The following LRRTM4 variants were observed in gnomAD, a reference collection of about 807,000 sequenced individuals.
LRRTM4 encodes leucine-rich repeat transmembrane neuronal protein 4.
In LRRTM4, 25 loss-of-function variants were observed where a neutral mutation model predicts 47.6. The ratio of observed to expected loss-of-function variants is 0.53; its 90% CI spans 0.38 to 0.73. LRRTM4 has a LOEUF of 0.73. Ranked by LOEUF, LRRTM4 falls within the 30% of genes least tolerant of loss-of-function variation. The pLI is 0.00. For synonymous variants in LRRTM4, 311 were observed against 269.5 expected (o/e 1.15, Z -1.51); for missense variants, 638 against 713.4 (o/e 0.89, Z 1.20).
chr2:76,911,643 G>A (rs768283002), intron 3 of LRRTM4, among the ~76,000 whole-genome samples: 1 of 151,984 alleles, frequency 6.6e-6, no homozygotes, highest in East Asian at 1.9e-4. Flanking sequence ...AAAAGAAAGA[G>A]CCAGAGAGAG....
intron 3 of LRRTM4, among the ~76,000 whole-genome samples, chr2:77,342,978 C>G (rs1671430037): frequency 6.6e-6 from 1 of 151,930 alleles, no homozygotes; most frequent in Non-Finnish European, 1.5e-5. Context: ...TAGCTTTTGT[C>G]AAAAGACTGT....
chr2:77,228,821 T>G (rs368847867), intron 3 of LRRTM4, among the ~76,000 whole-genome samples: 11 of 152,174 alleles, frequency 7.2e-5, no homozygotes, highest in African/African-American at 2.2e-4. Flanking sequence ...GTATATAATA[T>G]TCACCCCTAC....
chr2:76,796,997 C>A (rs1377148916), intron 3 of LRRTM4, among the ~76,000 whole-genome samples: 2 of 151,970 alleles, frequency 1.3e-5, no homozygotes, highest in East Asian at 1.9e-4. Flanking sequence ...GATTGGAGTA[C>A]CTGAAAGTGA....
intron 3 of LRRTM4, among the ~76,000 whole-genome samples, chr2:76,871,017 C>T (rs1210210011): frequency 6.6e-6 from 1 of 152,154 alleles, no homozygotes; most frequent in South Asian, 2.1e-4. Flanking sequence ...CTACATCTTA[C>T]AGACAACACA....
chr2:77,342,927 A>T (rs1172811729), intron 3 of LRRTM4, among the ~76,000 whole-genome samples: 2 of 151,900 alleles, frequency 1.3e-5, no homozygotes, highest in South Asian at 4.1e-4. Context: ...GGCCATAAGC[A>T]CCTCTCTCAA....
chr2:76,956,772 G>C (rs1177177525), intron 3 of LRRTM4, among the ~76,000 whole-genome samples: 1 of 150,028 alleles, frequency 6.7e-6, no homozygotes, highest in Non-Finnish European at 1.5e-5. Context: ...TTACAAATAA[G>C]GCCACAAAAG....
intron 3 of LRRTM4, among the ~76,000 whole-genome samples, chr2:77,092,778 T>C (rs894188369): frequency 2.1e-5 from 3 of 144,050 alleles, no homozygotes; most frequent in Non-Finnish European, 2.9e-5. Flanking sequence ...TACAGTCTGA[T>C]AACAGATGAG....
chr2:77,151,115 G>GTA (rs918144774), intron 3 of LRRTM4, among the ~76,000 whole-genome samples: 1 of 149,786 alleles, frequency 6.7e-6, no homozygotes, highest in South Asian at 2.1e-4. Context: ...CTACGTCCGT[G>GTA]TATGTGTGTG....
At chr2:77,143,367 A>C (rs150005840) in intron 3 of LRRTM4, among the ~76,000 whole-genome samples, 15 of 152,318 alleles carry the variant, frequency 9.8e-5, no homozygotes, top group African/African-American at 3.6e-4. Flanking sequence ...ATTTCATCTT[A>C]ATTTGATATT....
intron 3 of LRRTM4, among the ~76,000 whole-genome samples, chr2:76,849,876 A>G (rs1387376862): frequency 5.3e-5 from 8 of 152,138 alleles, no homozygotes. Flanking sequence ...TCATACAATG[A>G]ACTGATGTAT....
chr2:76,998,927 A>G (rs913397709), intron 3 of LRRTM4, among the ~76,000 whole-genome samples: 1 of 152,096 alleles, frequency 6.6e-6, no homozygotes, highest in Non-Finnish European at 1.5e-5. Flanking sequence ...ATCATAAAGA[A>G]TATTACTCAA....
At chr2:77,074,753 T>A (rs1680276729) in intron 3 of LRRTM4, among the ~76,000 whole-genome samples, 1 of 152,196 alleles carries the variant, frequency 6.6e-6, no homozygotes, top group African/African-American at 2.4e-5. Flanking sequence ...ACCTTGACTT[T>A]CTAAATCAAG....
intron 3 of LRRTM4, among the ~76,000 whole-genome samples, chr2:76,854,501 G>A (rs1672089923): frequency 6.6e-6 from 1 of 152,064 alleles, no homozygotes; most frequent in Non-Finnish European, 1.5e-5. Context: ...TGAGTTCTGA[G>A]GTGTGAACAT....
At chr2:76,918,652 C>A (rs1390528812) in intron 3 of LRRTM4, among the ~76,000 whole-genome samples, 1 of 152,054 alleles carries the variant, frequency 6.6e-6, no homozygotes, top group Non-Finnish European at 1.5e-5. Flanking sequence ...CTCTTGGTGG[C>A]CTAGTTAACA....
At chr2:77,426,924 T>A (rs997975394) in intron 3 of LRRTM4, among the ~76,000 whole-genome samples, 1 of 151,380 alleles carries the variant, frequency 6.6e-6, no homozygotes, top group African/African-American at 2.4e-5. Context: ...TATAAGGCTA[T>A]GGATGGCTGC....
At chr2:76,966,992 G>A (rs1676047776) in intron 3 of LRRTM4, among the ~76,000 whole-genome samples, 1 of 150,966 alleles carries the variant, frequency 6.6e-6, no homozygotes, top group Admixed American at 6.6e-5. Context: ...TATATTTTTA[G>A]CTTTTAAAAC....
chr2:77,078,169 C>A (rs146897534), intron 3 of LRRTM4, among the ~76,000 whole-genome samples: 1 of 152,246 alleles, frequency 6.6e-6, no homozygotes, highest in East Asian at 1.9e-4. Context: ...AATAAAAATA[C>A]CTCCATAAGC....
intron 3 of LRRTM4, among the ~76,000 whole-genome samples, chr2:76,755,766 T>C (rs1673007352): frequency 6.6e-6 from 1 of 152,056 alleles, no homozygotes; most frequent in Non-Finnish European, 1.5e-5. Flanking sequence ...CGTTATAGAA[T>C]ATTAAGGAAA....
intron 3 of LRRTM4, among the ~76,000 whole-genome samples, chr2:77,366,426 C>G (rs78366102): frequency 2.6e-5 from 4 of 151,832 alleles, no homozygotes; most frequent in Non-Finnish European, 1.5e-5. Context: ...TCCTAAGTGG[C>G]CTCCTTTCCT....
Sources: gnomAD v4.1 joint callset for allele counts (sites outside exome capture counted in the v4.1 genomes callset) on GRCh38, gnomAD v4.1.1 for gene constraint, MANE v1.5 for transcripts, NCBI Gene and HGNC (gene_info 2026-07-23, HGNC 2026-07-21) for gene names.